ELF1: variants seen among roughly 807,000 people sequenced by gnomAD.
ELF1 encodes the protein ETS-related transcription factor Elf-1.
A neutral mutation model predicts 59.9 loss-of-function variants in ELF1; 24 were observed. That is an observed-to-expected ratio of 0.40 (90% confidence interval 0.29 to 0.56). The LOEUF is 0.56. Among genes scored for constraint, ELF1 ranks in the 20% least tolerant of loss-of-function variants. The pLI is 0.44. For synonymous variants in ELF1, 248 were observed against 266.2 expected (o/e 0.93, Z 0.67); for missense variants, 627 against 742.2 (o/e 0.84, Z 1.80).
At chr13:40,983,248 T>A (rs1873379320) in intron 1 of ELF1, among the ~76,000 whole-genome samples, 1 of 152,230 alleles carries the variant, frequency 6.6e-6, no homozygotes, top group Non-Finnish European at 1.5e-5. Flanking sequence ...AATTAGCATT[T>A]ACAGTTTTAT....
intron 3 of ELF1, among the ~76,000 whole-genome samples, chr13:40,957,915 T>A (rs1332146053): frequency 6.6e-6 from 1 of 152,346 alleles, no homozygotes; most frequent in East Asian, 1.9e-4. Context: ...GCCTTTAGAC[T>A]TACTATTCAG....
At chr13:40,969,863 C>A (rs1250780877) in intron 2 of ELF1, among the ~76,000 whole-genome samples, 1 of 50,396 alleles carries the variant, frequency 2.0e-5, no homozygotes, top group Non-Finnish European at 3.9e-5. Flanking sequence ...GCTGCCACAT[C>A]ATGCTAATTT....
chr13:41,054,223 T>C (rs1457779367), intron 1 of ELF1, among the ~76,000 whole-genome samples: 3 of 152,220 alleles, frequency 2.0e-5, no homozygotes, highest in Non-Finnish European at 4.4e-5. Context: ...ACTGGTTCCA[T>C]TTTAGATTCC....
intron 2 of ELF1, among the ~76,000 whole-genome samples, chr13:40,975,371 AG>A (rs1200102819): frequency 1.3e-5 from 2 of 152,230 alleles, no homozygotes; most frequent in African/African-American, 4.8e-5. Flanking sequence ...TATGAATGTT[AG>A]TTTCTCTGAT....
At chr13:41,045,406 C>G (rs144961243) in intron 1 of ELF1, among the ~76,000 whole-genome samples, 1 of 152,040 alleles carries the variant, frequency 6.6e-6, no homozygotes, top group African/African-American at 2.4e-5. Flanking sequence ...AGATCTTTCC[C>G]GCTTTCTCTT....
At chr13:41,050,122 T>C (rs1229389936) in intron 1 of ELF1, among the ~76,000 whole-genome samples, 4 of 151,718 alleles carry the variant, frequency 2.6e-5, no homozygotes, top group Non-Finnish European at 4.4e-5. Context: ...CAAAACTCTT[T>C]TCATCTTTCA....
chr13:40,970,698 G>A (rs74045935), intron 2 of ELF1, among the ~76,000 whole-genome samples: 1,710 of 152,246 alleles, frequency 0.011, 18 homozygotes, highest in African/African-American at 0.03. Context: ...TCCCAATGGC[G>A]TTTGTTCTCT....
At chr13:41,007,072 A>G (rs1874802717) in intron 1 of ELF1, among the ~76,000 whole-genome samples, 1 of 152,148 alleles carries the variant, frequency 6.6e-6, no homozygotes, top group South Asian at 2.1e-4. Context: ...AGTCATGATT[A>G]TTATTAGGCT....
At chr13:40,970,887 A>G (rs745541419) in intron 2 of ELF1, among the ~76,000 whole-genome samples, 3 of 152,230 alleles carry the variant, frequency 2.0e-5, no homozygotes, top group Non-Finnish European at 4.4e-5. Context: ...GTCTTTCAAT[A>G]TAATAAACTA....
chr13:41,028,837 G>A (rs1033287799), intron 1 of ELF1, among the ~76,000 whole-genome samples: 4 of 152,092 alleles, frequency 2.6e-5, no homozygotes, highest in South Asian at 4.1e-4. Context: ...AGGTTCAAGC[G>A]ATTCTTAAGC....
chr13:40,998,297 G>T lies in ELF1; in HGVS notation c.-228-16015C>A, dbSNP rs572405347. Among the ~76,000 whole-genome samples the T allele has an allele frequency of 4.6e-5, 7 of 152,290 alleles. No homozygotes were observed. In the East Asian group the frequency reaches 1.2e-3, roughly 25 times the overall value. ...GCAGATATACAACAGTAGTCCCCAT[G>T]TTTTTACTGCACCTTTTCTATGTTT... On this transcript the variant is annotated intron_variant, in intron 1 of 8. Coordinates refer to ENST00000239882, the MANE Select transcript of ELF1 (RefSeq NM_172373.4).
intron 1 of ELF1, among the ~76,000 whole-genome samples, chr13:41,034,277 G>A (rs1334553577): frequency 6.6e-6 from 1 of 152,072 alleles, no homozygotes; most frequent in Non-Finnish European, 1.5e-5. Context: ...AACAGAAAAA[G>A]GACATTAGTG....
chr13:40,957,586 T>C (rs1642060617), intron 3 of ELF1, among the ~76,000 whole-genome samples: 1 of 151,886 alleles, frequency 6.6e-6, no homozygotes, highest in African/African-American at 2.4e-5. Context: ...GCTCCAGCCA[T>C]GTAGGATGTG....
chr13:41,024,870 C>T (rs1875831043), intron 1 of ELF1, among the ~76,000 whole-genome samples: 1 of 152,120 alleles, frequency 6.6e-6, no homozygotes, highest in South Asian at 2.1e-4. Flanking sequence ...AAAAAGTACT[C>T]ATCATATCAC....
chr13:41,031,749 G>A (rs1174646387), intron 1 of ELF1, among the ~76,000 whole-genome samples: 1 of 149,560 alleles, frequency 6.7e-6, no homozygotes, highest in African/African-American at 2.5e-5. Context: ...AACCCGGGAG[G>A]CAGAGGTTGC....
At chr13:41,036,201 C>A (rs1258627265) in intron 1 of ELF1, among the ~76,000 whole-genome samples, 1 of 152,112 alleles carries the variant, frequency 6.6e-6, no homozygotes, top group African/African-American at 2.4e-5. Context: ...CAGGCATGAG[C>A]CACCACAGCC....
chr13:41,049,538 G>A (rs1189841598), intron 1 of ELF1, among the ~76,000 whole-genome samples: 2 of 152,050 alleles, frequency 1.3e-5, no homozygotes, highest in African/African-American at 4.8e-5. Context: ...TTGATACCTT[G>A]CAGCCTCATC....
intron 1 of ELF1, chr13:40,993,373 G>T: frequency 1.0e-6 from 1 of 997,206 alleles, no homozygotes; most frequent in African/African-American, 1.6e-5. Flanking sequence ...CTGCAGGTGT[G>T]GGCAGTGCAC....
chr13:41,051,877 G>A (rs959839180), intron 1 of ELF1, among the ~76,000 whole-genome samples: 33 of 149,690 alleles, frequency 2.2e-4, no homozygotes, highest in African/African-American at 7.9e-4. Flanking sequence ...AATAGTTATT[G>A]CTTTTTCAAA....
Sources: gnomAD v4.1 joint callset for allele counts (sites outside exome capture counted in the v4.1 genomes callset) on GRCh38, gnomAD v4.1.1 for gene constraint, MANE v1.5 for transcripts, NCBI Gene and HGNC (gene_info 2026-07-23, HGNC 2026-07-21) for gene names.